CNTNAP5: variants seen among roughly 807,000 people sequenced by gnomAD.
The protein encoded by CNTNAP5 is contactin-associated protein-like 5.
A neutral mutation model predicts 150.2 loss-of-function variants in CNTNAP5; 72 were observed. That is an observed-to-expected ratio of 0.48 (90% CI 0.40 to 0.58). The LOEUF (loss-of-function observed/expected upper bound fraction) is 0.58, where lower values mean the gene tolerates loss of function less well. Ranked by LOEUF, CNTNAP5 falls within the 20% of genes least tolerant of loss-of-function variation. The pLI, the probability that CNTNAP5 is intolerant of heterozygous loss-of-function variation, is 0.00. For missense variants in CNTNAP5, 1,636 were observed against 1,626.2 expected (o/e 1.01, Z -0.10); for synonymous variants, 672 against 619.8 (o/e 1.08, Z -1.25).
At chr2:124,572,730 T>C (rs1173096090) in intron 11 of CNTNAP5, among the ~76,000 whole-genome samples, 1 of 152,190 alleles carries the variant, frequency 6.6e-6, no homozygotes, top group Non-Finnish European at 1.5e-5. Context: ...CATTCTCAGC[T>C]CTAGCCCTGT....
intron 13 of CNTNAP5, among the ~76,000 whole-genome samples, chr2:124,668,467 A>G (rs72976420): frequency 0.041 from 6,250 of 152,242 alleles, 419 homozygotes; most frequent in African/African-American, 0.14. Context: ...TGCCCTGGAA[A>G]CTGTGTATCA....
chr2:124,268,759 G>T (rs995742207), intron 3 of CNTNAP5, among the ~76,000 whole-genome samples: 1 of 152,100 alleles, frequency 6.6e-6, no homozygotes, highest in Non-Finnish European at 1.5e-5. Flanking sequence ...TCTACACCTT[G>T]GTCCCATAGG....
At chr2:124,608,502 T>C (rs1363230887) in intron 11 of CNTNAP5, among the ~76,000 whole-genome samples, 1 of 152,204 alleles carries the variant, frequency 6.6e-6, no homozygotes, top group Non-Finnish European at 1.5e-5. Flanking sequence ...AGAGATTTAT[T>C]GCCTCCTCCA....
At chr2:124,541,309 C>T (rs1474930781) in intron 10 of CNTNAP5, among the ~76,000 whole-genome samples, 1 of 149,036 alleles carries the variant, frequency 6.7e-6, no homozygotes, top group African/African-American at 2.5e-5. Context: ...CTTTCTTACT[C>T]TCCTCCCACC....
At chr2:124,336,025 C>A (rs1689457635) in intron 3 of CNTNAP5, among the ~76,000 whole-genome samples, 1 of 151,896 alleles carries the variant, frequency 6.6e-6, no homozygotes, top group Non-Finnish European at 1.5e-5. Context: ...TTAAATAACT[C>A]CCTCCTTATA....
intron 1 of CNTNAP5, among the ~76,000 whole-genome samples, chr2:124,096,942 A>G (rs1682952875): frequency 6.6e-6 from 1 of 152,022 alleles, no homozygotes; most frequent in Non-Finnish European, 1.5e-5. Context: ...GAACTCAGGC[A>G]ATCCACCTGC....
chr2:124,365,897 G>C (rs1205086946), intron 3 of CNTNAP5, among the ~76,000 whole-genome samples: 1 of 152,158 alleles, frequency 6.6e-6, no homozygotes, highest in African/African-American at 2.4e-5. Flanking sequence ...TCAATTATGA[G>C]TAAGTACTGG....
rs146098061 is a variant in CNTNAP5 at position 124,681,992 on chromosome 2, C to G, written c.2077+34034C>G. Among the ~76,000 whole-genome samples, 408 of 152,254 alleles carry G rather than the reference C, an allele frequency of 2.7e-3. 1 individual carries two copies. The highest frequency in any genetic ancestry group is 9.5e-3 in the African/African-American group (395 of 41,538). On this transcript the variant is annotated intron_variant, in intron 13 of 23. Coordinates refer to ENST00000682447, the MANE Select transcript of CNTNAP5 (RefSeq NM_001367498.1). ...TAAAAAATGCTTTGCTATGTGTCTT[C>G]CTCCCTTTGCCAAAGGGACCTATGT...
chr2:124,060,373 A>C (rs1341696676), intron 1 of CNTNAP5, among the ~76,000 whole-genome samples: 1 of 152,220 alleles, frequency 6.6e-6, no homozygotes, highest in Non-Finnish European at 1.5e-5. Context: ...TTACCAGGTA[A>C]AAACAGATTG....
intron 1 of CNTNAP5, among the ~76,000 whole-genome samples, chr2:124,212,787 C>A (rs2104727052): frequency 6.7e-6 from 1 of 148,314 alleles, no homozygotes; most frequent in Non-Finnish European, 1.5e-5. Context: ...CAATGATTTC[C>A]TTAACTTAGG....
At chr2:124,885,549 TCACACACACACACACACACACA>T (rs3980831) in intron 21 of CNTNAP5, among the ~76,000 whole-genome samples, 1 of 145,262 alleles carries the variant, frequency 6.9e-6, no homozygotes, top group Non-Finnish European at 1.5e-5. Flanking sequence ...AACATTTTCA[TCACACACACACACACACACACA>T]CACACACACA....
At chr2:124,413,171 C>T (rs1010782808) in intron 3 of CNTNAP5, among the ~76,000 whole-genome samples, 24 of 137,984 alleles carry the variant, frequency 1.7e-4, no homozygotes, top group South Asian at 4.8e-4. Flanking sequence ...CAAATCAAAA[C>T]CACAATGAGA....
At chr2:124,361,778 C>A (rs1690206429) in intron 3 of CNTNAP5, among the ~76,000 whole-genome samples, 2 of 152,058 alleles carry the variant, frequency 1.3e-5, no homozygotes, top group Admixed American at 1.3e-4. Flanking sequence ...CTGTGCCCTG[C>A]CCCCAGAGGT....
intron 3 of CNTNAP5, among the ~76,000 whole-genome samples, chr2:124,354,163 A>G (rs2104705280): frequency 6.6e-6 from 1 of 152,332 alleles, no homozygotes. Flanking sequence ...AAATGAATGA[A>G]AAGACATTAA....
At chr2:124,316,530 G>C (rs995082353) in intron 3 of CNTNAP5, among the ~76,000 whole-genome samples, 2 of 152,054 alleles carry the variant, frequency 1.3e-5, no homozygotes, top group African/African-American at 4.8e-5. Flanking sequence ...TCACAGCCGG[G>C]CACGGTGGCT....
At chr2:124,310,362 A>G (rs1348640230) in intron 3 of CNTNAP5, among the ~76,000 whole-genome samples, 1 of 152,064 alleles carries the variant, frequency 6.6e-6, no homozygotes, top group Non-Finnish European at 1.5e-5. Context: ...AAAGATTTGA[A>G]TGAGTGGAAC....
intron 10 of CNTNAP5, among the ~76,000 whole-genome samples, chr2:124,529,560 A>G (rs1211970654): frequency 6.6e-6 from 1 of 152,074 alleles, no homozygotes; most frequent in East Asian, 1.9e-4. Flanking sequence ...TATTTCTTAA[A>G]CTCATAATTA....
chr2:124,794,238 G>T (rs1480354021), intron 18 of CNTNAP5, among the ~76,000 whole-genome samples: 1 of 152,180 alleles, frequency 6.6e-6, no homozygotes, highest in Non-Finnish European at 1.5e-5. Context: ...CCCTGCTCAA[G>T]TTGAGGTTCT....
chr2:124,862,037 C>A lies in CNTNAP5; in HGVS notation c.3218-3269C>A, dbSNP rs1354239252. ...CCATATTGGCCAGGCTGGTCTCGAA[C>A]TCCTGACCTCAGGTGATCTGCCTGC... On this transcript the variant is annotated intron_variant, in intron 19 of 23. Coordinates refer to ENST00000682447, the MANE Select transcript of CNTNAP5 (RefSeq NM_001367498.1). Among the ~76,000 whole-genome samples the A allele has an allele frequency of 2.0e-5, 3 of 152,334 alleles. No individual in the cohort carries two copies. The East Asian group carries it at 5.8e-4, about 29-fold the overall frequency.
Sources: gnomAD v4.1 joint callset for allele counts (sites outside exome capture counted in the v4.1 genomes callset) on GRCh38, gnomAD v4.1.1 for gene constraint, MANE v1.5 for transcripts, NCBI Gene and HGNC (gene_info 2026-07-23, HGNC 2026-07-21) for gene names.